NOC2L: variants seen among roughly 807,000 people sequenced by gnomAD.
NOC2L encodes the protein nucleolar complex protein 2 homolog.
In NOC2L, 101 loss-of-function variants were observed where a neutral mutation model predicts 94.2. The ratio of observed to expected loss-of-function variants is 1.07; its 90% CI spans 0.91 to 1.26. The LOEUF is 1.26. Among genes scored for constraint, NOC2L ranks in the 50% most tolerant of loss-of-function variants. The probability of loss-of-function intolerance (pLI) is 0.00; values close to 1 mark genes in which losing one functional copy is unlikely to be tolerated. For synonymous variants in NOC2L, 531 were observed against 413.4 expected (o/e 1.28, Z -3.45); for missense variants, 1,076 against 980.1 (o/e 1.10, Z -1.31).
At position 959,071 on chromosome 1, in the gene NOC2L, C is replaced by T. The variant is rs551203562; in HGVS notation, c.37G>A (p.Glu13Lys). 2 of 1,609,056 alleles carry T rather than the reference C, an allele frequency of 1.2e-6. No individual in the cohort carries two copies. Among genetic ancestry groups the T allele is most frequent in the East Asian group, 4.5e-5 (2 of 44,828 alleles). ...AAGSRKRRLAELTVDEFLASG... is the reference protein window; with the variant it reads ...AAGSRKRRLAKLTVDEFLASG... ...GCTAGGAACTCGTCCACCGTCAGCTCCGCCAGGCGCCTGCGGGTCACGCAG... is the reference window on the plus strand; with the variant it reads ...GCTAGGAACTCGTCCACCGTCAGCTTCGCCAGGCGCCTGCGGGTCACGCAG... The change falls in exon 2 of 19, where the codon GAG (glutamate) becomes AAG (lysine). Residue 13 changes from glutamate to lysine, a missense_variant. Glu to Lys is a moderately conservative substitution (Grantham distance 56, BLOSUM62 1). Transcript: ENST00000327044.
chr1:955,534 G>A (rs896503095), intron 6 of NOC2L, among the ~76,000 whole-genome samples: 1 of 152,190 alleles, frequency 6.6e-6, no homozygotes, highest in Non-Finnish European at 1.5e-5. Flanking sequence ...CCTGTCTACA[G>A]ACACACACAG....
At position 948,864 on chromosome 1, in the gene NOC2L, G is replaced by A. The variant is rs190915384; in HGVS notation, c.1444-261C>T. 5.2e-4 allele frequency among the ~76,000 whole-genome samples: 79 copies of A among 152,130 alleles called. 2 individuals are homozygous for A. Among genetic ancestry groups the A allele is most frequent in the Admixed American group, 3.3e-3 (50 of 15,292 alleles). ...ATCAGCAGGGAAGGATCAGGAACACGGGCCCTCTCCCAAAATCCTGGGAAG... is the reference window on the plus strand; with the variant it reads ...ATCAGCAGGGAAGGATCAGGAACACAGGCCCTCTCCCAAAATCCTGGGAAG... On this transcript the variant is annotated intron_variant, in intron 12 of 18. Coordinates refer to ENST00000327044, the MANE Select transcript of NOC2L (RefSeq NM_015658.4).
At chr1:948,460 C>T (rs887499152) in intron 13 of NOC2L, 30 bp downstream of exon 13, 2 of 1,551,488 alleles carry the variant, frequency 1.3e-6, no homozygotes. Flanking sequence ...TGGGAACTGC[C>T]CAGGCCCCTC....
chr1:945,490 T>C (rs550548012), intron 17 of NOC2L, 28 bp downstream of exon 17: 2 of 1,611,890 alleles, frequency 1.2e-6, no homozygotes, highest in African/African-American at 1.3e-5. Flanking sequence ...GGCCCACCCT[T>C]CCCCTGGGAG....
chr1:946,129 C>A, intron 16 of NOC2L, 44 bp downstream of exon 16: 2 of 1,401,492 alleles, frequency 1.4e-6, no homozygotes, highest in East Asian at 2.3e-5. Context: ...ATCTGAAACC[C>A]AGGAAGTCAC....
At chr1:958,782 A>G (rs1367551446) in intron 2 of NOC2L, 147 bp downstream of exon 2, 1 of 813,604 alleles carries the variant, frequency 1.2e-6, no homozygotes, top group Non-Finnish European at 2.1e-6. Context: ...TAAACATCGG[A>G]TGAAAGAGTA....
chr1:947,994 G>T, intron 14 of NOC2L, 137 bp downstream of exon 14: 1 of 685,262 alleles, frequency 1.5e-6, no homozygotes, highest in Non-Finnish European at 2.6e-6. Context: ...GGGCCTCACG[G>T]GGCGCGTTGC....
At position 952,106 on chromosome 1, in the gene NOC2L, C is replaced by G. The variant is rs144707752; in HGVS notation, c.1225G>C (p.Val409Leu). ...TYQSVYNWQY[V>L]HCLFLWCRVL... ...CGGCACCACAGGAAGAGGCAGTGCACATACTGCCAGTTGTACACAGACTGG... is the reference window on the plus strand; with the variant it reads ...CGGCACCACAGGAAGAGGCAGTGCAGATACTGCCAGTTGTACACAGACTGG... The change falls in exon 11 of 19, where the codon GTG becomes CTG. Residue 409 changes from valine to leucine, a missense_variant. Val to Leu is a conservative substitution (Grantham distance 32, BLOSUM62 1). This residue lies in a region of NOC2L where 615 missense variants were observed against 577.4 expected (regional missense o/e 1.07). Coordinates refer to ENST00000327044, the MANE Select transcript of NOC2L (RefSeq NM_015658.4). The G allele has an allele frequency of 1.4e-5, 23 of 1,613,606 alleles. No homozygotes were observed. In the African/African-American group the frequency reaches 2.8e-4, roughly 20 times the overall value.
At position 955,994 on chromosome 1, in the gene NOC2L, G is replaced by C. The variant is rs1642390059; in HGVS notation, c.627C>G (p.Thr209=). 1 of 1,613,960 alleles carries C rather than the reference G, an allele frequency of 6.2e-7. No individual in the cohort carries two copies. The highest frequency in any genetic ancestry group is 8.5e-7 in the Non-Finnish European group (1 of 1,180,014). The change falls in exon 6 of 19, where the codon ACC becomes ACG. Residue 209 remains threonine (T), a synonymous_variant. Coordinates refer to ENST00000327044, the MANE Select transcript of NOC2L (RefSeq NM_015658.4). The part of the protein sequence containing the change: ...TDSAAFNALV[T]FCIRDLIGCL... ...AGCCAATGAGGTCTCTGATGCAGAA[G>C]GTAACCAGAGCATTGAATGCTGCAA... is the stretch of plus-strand genomic sequence containing the variant.
chr1:944,724 C>T lies in NOC2L; in HGVS notation c.2220G>A (p.Leu740=), dbSNP rs764813464. The T allele has an allele frequency of 1.5e-5, 24 of 1,600,452 alleles. No individual in the cohort carries two copies. In the East Asian group the frequency reaches 5.4e-4, roughly 36 times the overall value. ...CGTCCTCTGAGAGCTGCAGATCCTCCAGCTCGTCCTCCGGCCCCTGGGCCA... is the reference window on the plus strand; with the variant it reads ...CGTCCTCTGAGAGCTGCAGATCCTCTAGCTCGTCCTCCGGCCCCTGGGCCA... The part of the protein sequence containing the change: ...QQLAQGPEDE[L]EDLQLSEDD The change falls in exon 19 of 19, where the codon CTG becomes CTA. Residue 740 remains leucine (L), a synonymous_variant. Transcript: ENST00000327044.
Position 944,394 on chromosome 1 carries a change from G to A in NOC2L, c.*300C>T, listed in dbSNP as rs924278409. Reference sequence around the variant, plus strand: ...GCAGAGGTGGTGGAAGGGGCCAGGGGCCTGCAGGCCTCCCCCTGGAACTGG... The same window carrying A: ...GCAGAGGTGGTGGAAGGGGCCAGGGACCTGCAGGCCTCCCCCTGGAACTGG... On this transcript the variant is annotated 3_prime_UTR_variant, in exon 19 of 19. Transcript: ENST00000327044. 2 of 1,259,874 alleles carry A rather than the reference G, an allele frequency of 1.6e-6. No individual in the cohort carries two copies. The highest frequency in any genetic ancestry group is 2.9e-5 in the East Asian group (1 of 34,156). The allele number at this position is 1,259,874 out of a possible 1,614,324, so 78.0% of individuals were successfully genotyped here.
At chr1:949,255 G>A (rs74045014) in intron 12 of NOC2L, among the ~76,000 whole-genome samples, 2,389 of 152,256 alleles carry the variant, frequency 0.016, 52 homozygotes, top group African/African-American at 0.054. Flanking sequence ...AGAGATCCAG[G>A]GTACATGCTG....
rs140822917 is a variant in NOC2L at position 951,148 on chromosome 1, C to T, written c.1422G>A (p.Pro474=). Residue 474 remains proline, a synonymous_variant, in exon 12 of 19, where the codon CCG becomes CCA. Transcript: ENST00000327044. ...TCACCTCCAGGATGAAAGGCAGCAC[C>T]GGGATGAAGGCCCCCGAGCTCCCCG... ...LLSGSSGAFI[P]VLPFILEMFQ... 4.3e-4 allele frequency: 685 copies of T among 1,587,996 alleles called. 2 individuals carry two copies. The highest frequency in any genetic ancestry group is 8.4e-4 in the Middle Eastern group (5 of 5,942).
chr1:952,311 A>T, intron 10 of NOC2L, 101 bp downstream of exon 10: 1 of 1,480,352 alleles, frequency 6.8e-7, no homozygotes, highest in Non-Finnish European at 9.2e-7. Flanking sequence ...GGCTGTCTCC[A>T]GACAGGGGCT....
chr1:949,503 G>A (rs1485834137), intron 12 of NOC2L, among the ~76,000 whole-genome samples: 2 of 152,218 alleles, frequency 1.3e-5, no homozygotes, highest in Non-Finnish European at 2.9e-5. Flanking sequence ...CTACAGCTGA[G>A]GGCTTTGTTT....
At position 954,949 on chromosome 1, in the gene NOC2L, A is replaced by G. The variant is rs192993041; in HGVS notation, c.699-867T>C. Among the ~76,000 whole-genome samples, 156 of 152,298 alleles carry G rather than the reference A, an allele frequency of 1.0e-3. 1 individual carries two copies. The highest frequency in any genetic ancestry group is 3.7e-3 in the African/African-American group (153 of 41,556). On this transcript the variant is annotated intron_variant, in intron 6 of 18. Transcript: ENST00000327044. ...TGGGAAGGACAAAGGGCAGGGCCCC[A>G]GAAAGGCCCCCCGTCCTCGACCCTC...
At chr1:949,683 C>A (rs1472461004) in intron 12 of NOC2L, among the ~76,000 whole-genome samples, 1 of 152,172 alleles carries the variant, frequency 6.6e-6, no homozygotes, top group African/African-American at 2.4e-5. Context: ...GAAACAGACA[C>A]AAAGCATGCC....
At chr1:957,534 C>T (rs1362537556) in intron 2 of NOC2L, 16 of 479,824 alleles carry the variant, frequency 3.3e-5, no homozygotes, top group South Asian at 1.8e-4. Flanking sequence ...CCCCCAGCCG[C>T]GGTCTTCCCT....
At position 958,972 on chromosome 1, in the gene NOC2L, C is replaced by T; in HGVS notation, c.136G>A (p.Ala46Thr). ...CCCGGCTTATCCGGACTCCGGGCAG[C>T]CTCGCGTGCTTCCCGTGTCTCCGCT... ...PQAETREARE[A>T]ARSPDKPGGS... Residue 46 changes from alanine to threonine, a missense_variant, in exon 2 of 19, where the codon GCT becomes ACT. Ala to Thr is a moderately conservative substitution (Grantham distance 58). Around this residue, in one of 3 missense-constraint regions of NOC2L, gnomAD observed 457 missense variants for 386.0 expected, o/e 1.18. Transcript: ENST00000327044. The T allele has an allele frequency of 6.2e-7, 1 of 1,612,782 alleles. No individual in the cohort carries two copies. Among genetic ancestry groups the T allele is most frequent in the Non-Finnish European group, 8.5e-7 (1 of 1,179,978 alleles).
Sources: gnomAD v4.1 joint callset for allele counts (sites outside exome capture counted in the v4.1 genomes callset) on GRCh38, gnomAD v4.1.1 for gene constraint, gnomAD v4.1.1 regional missense constraint, MANE v1.5 for transcripts, NCBI Gene and HGNC (gene_info 2026-07-23, HGNC 2026-07-21) for gene names.